The following CLNK variants were observed in gnomAD, a reference collection of about 807,000 sequenced individuals.
The protein encoded by CLNK is cytokine-dependent hematopoietic cell linker.
Under a neutral mutation model 68.6 loss-of-function variants are expected in CLNK, and 74 were observed. The ratio of observed to expected loss-of-function variants is 1.08; its 90% CI spans 0.89 to 1.31. CLNK has a LOEUF of 1.31. Among genes scored for constraint, CLNK ranks in the 50% most tolerant of loss-of-function variants. The pLI is 0.00. For synonymous variants in CLNK, 198 were observed against 172.2 expected, an observed-to-expected ratio of 1.15 and a Z score of -1.17; for missense variants, 553 against 515.3, an observed-to-expected ratio of 1.07 and a Z score of -0.71.
chr4:10,681,332 G>C (rs1254175387), intron 1 of CLNK, among the ~76,000 whole-genome samples: 1 of 152,216 alleles, frequency 6.6e-6, no homozygotes, highest in Non-Finnish European at 1.5e-5. Context: ...CTTCAAAACT[G>C]ATGGTGAAAT....
At chr4:10,621,299 G>A (rs546385450) in intron 2 of CLNK, among the ~76,000 whole-genome samples, 1 of 152,278 alleles carries the variant, frequency 6.6e-6, no homozygotes, top group South Asian at 2.1e-4. Flanking sequence ...ATTCTTGAGG[G>A]CAGGGACTGT....
intron 11 of CLNK, among the ~76,000 whole-genome samples, chr4:10,537,564 G>A (rs1033728599): frequency 2.6e-5 from 4 of 151,436 alleles, no homozygotes; most frequent in African/African-American, 9.7e-5. Context: ...GATGGGAGAA[G>A]CTGGTTTCCT....
intron 7 of CLNK, among the ~76,000 whole-genome samples, chr4:10,558,803 A>T (rs1228019269): frequency 6.6e-6 from 1 of 152,198 alleles, no homozygotes; most frequent in Non-Finnish European, 1.5e-5. Context: ...TAACATGAAG[A>T]TCCATCTATG....
At chr4:10,586,381 G>C (rs1720969819) in intron 3 of CLNK, among the ~76,000 whole-genome samples, 1 of 148,022 alleles carries the variant, frequency 6.8e-6, no homozygotes, top group South Asian at 2.1e-4. Flanking sequence ...CACCAGGCTG[G>C]AGTGCAGTGG....
intron 8 of CLNK, among the ~76,000 whole-genome samples, chr4:10,544,032 T>C (rs1719133018): frequency 6.6e-6 from 1 of 152,238 alleles, no homozygotes; most frequent in African/African-American, 2.4e-5. Context: ...TTTCATCTTA[T>C]TGTTTATTGG....
intron 2 of CLNK, among the ~76,000 whole-genome samples, chr4:10,653,824 T>C (rs922035915): frequency 6.6e-6 from 1 of 152,164 alleles, no homozygotes; most frequent in African/African-American, 2.4e-5. Context: ...AAAGGGAACA[T>C]CATTATAGGC....
At chr4:10,569,627 AG>A (rs1196747929) in intron 5 of CLNK, among the ~76,000 whole-genome samples, 1 of 152,238 alleles carries the variant, frequency 6.6e-6, no homozygotes, top group African/African-American at 2.4e-5. Context: ...CTAGACTGGC[AG>A]GAATGGACAC....
chr4:10,727,591 C>G, the CLNK span, among the ~76,000 whole-genome samples: 1 of 152,182 alleles, frequency 6.6e-6, no homozygotes, highest in East Asian at 1.9e-4. Context: ...TCTACACACC[C>G]TATGGGCCTG....
chr4:10,674,968 C>T (rs546620466), intron 1 of CLNK, among the ~76,000 whole-genome samples: 1 of 151,936 alleles, frequency 6.6e-6, no homozygotes, highest in South Asian at 2.1e-4. Context: ...CACACTGGGG[C>T]CTGTTGGGGG....
the CLNK span, among the ~76,000 whole-genome samples, chr4:10,690,712 C>T: frequency 7.2e-5 from 11 of 152,218 alleles, no homozygotes; most frequent in South Asian, 8.3e-4. Flanking sequence ...GTATCATTAT[C>T]GCTGTTATAC....
chr4:10,520,883 G>A, intron 14 of CLNK, 52 bp from the exon 15 acceptor site: 2 of 1,403,284 alleles, frequency 1.4e-6, no homozygotes, highest in East Asian at 2.4e-5. Context: ...CCCCTTGGTG[G>A]TAAAATTCCA....
At chr4:10,656,844 A>T (rs1724007615) in intron 2 of CLNK, among the ~76,000 whole-genome samples, 1 of 152,222 alleles carries the variant, frequency 6.6e-6, no homozygotes, top group African/African-American at 2.4e-5. Flanking sequence ...AAATGGTATT[A>T]TATGCACATA....
chr4:10,528,682 G>C (rs1221100489), intron 12 of CLNK, among the ~76,000 whole-genome samples: 1 of 152,142 alleles, frequency 6.6e-6, no homozygotes, highest in Non-Finnish European at 1.5e-5. Context: ...CTGGACCCAT[G>C]ATATATTTTT....
the CLNK span, among the ~76,000 whole-genome samples, chr4:10,708,001 T>G: frequency 6.6e-6 from 1 of 152,166 alleles, no homozygotes; most frequent in Non-Finnish European, 1.5e-5. Context: ...CACTGAGCGC[T>G]GAAAGCAAAG....
rs184096391 is a variant in CLNK, at chr4:10,637,338, C to T, written c.11+30521G>A. The stretch of plus-strand genomic sequence containing the variant: ...AGCTACAAGATTGGAACCTTTGTAT[C>T]ACTGCTTGGAAGATATCTGCCCTGG... On this transcript the variant is annotated intron_variant, in intron 2 of 18. Coordinates refer to ENST00000226951, the MANE Select transcript of CLNK (RefSeq NM_052964.4). Among the ~76,000 whole-genome samples the T allele has an allele frequency of 2.4e-4, 37 of 152,058 alleles. 1 individual carries two copies. The highest frequency in any genetic ancestry group is 8.9e-4 in the African/African-American group (37 of 41,466).
intron 14 of CLNK, among the ~76,000 whole-genome samples, 175 bp downstream of exon 14, chr4:10,525,666 C>G (rs1273970752): frequency 6.6e-6 from 1 of 152,134 alleles, no homozygotes; most frequent in Non-Finnish European, 1.5e-5. Context: ...TCCAAAAGAA[C>G]AACATTATTA....
At chr4:10,608,494 C>A (rs1452310223) in intron 2 of CLNK, among the ~76,000 whole-genome samples, 1 of 152,200 alleles carries the variant, frequency 6.6e-6, no homozygotes, top group Non-Finnish European at 1.5e-5. Flanking sequence ...ATGATGCTTG[C>A]TCTCTCCTTA....
At chr4:10,611,155 T>C (rs1722000335) in intron 2 of CLNK, among the ~76,000 whole-genome samples, 1 of 152,122 alleles carries the variant, frequency 6.6e-6, no homozygotes, top group East Asian at 1.9e-4. Flanking sequence ...CCGTCTCTAC[T>C]AAAAATACAA....
At chr4:10,682,068 T>C (rs1725111866) in intron 1 of CLNK, among the ~76,000 whole-genome samples, 1 of 151,798 alleles carries the variant, frequency 6.6e-6, no homozygotes, top group African/African-American at 2.4e-5. Flanking sequence ...TAACAAAAAA[T>C]AAATAATAAA....
Sources: gnomAD v4.1 joint callset for allele counts (sites outside exome capture counted in the v4.1 genomes callset) on GRCh38, gnomAD v4.1.1 for gene constraint, MANE v1.5 for transcripts, NCBI Gene and HGNC (gene_info 2026-07-23, HGNC 2026-07-21) for gene names.